HDAC9: variants seen among roughly 807,000 people sequenced by gnomAD.
HDAC9 encodes MEF-2 interacting transcription repressor (MITR) protein.
HDAC9 carries 41 observed loss-of-function variants against 139.4 expected under a neutral mutation model. The ratio of observed to expected loss-of-function variants is 0.29; its 90% CI spans 0.23 to 0.38. The LOEUF is 0.38. Ranked by LOEUF, HDAC9 falls within the 10% of genes least tolerant of loss-of-function variation. The probability of loss-of-function intolerance (pLI) is 1.00; values close to 1 mark genes in which losing one functional copy is unlikely to be tolerated. For missense variants in HDAC9, 1,147 were observed against 1,297.0 expected (o/e 0.88, Z 1.78); for synonymous variants, 517 against 476.2 (o/e 1.09, Z -1.12).
At chr7:18,222,908 A>C (rs1447904468) in intron 2 of HDAC9, among the ~76,000 whole-genome samples, 1 of 152,174 alleles carries the variant, frequency 6.6e-6, no homozygotes, top group East Asian at 1.9e-4. Flanking sequence ...GTTAAGGGAA[A>C]GGTAATGCAT....
chr7:18,937,254 G>T lies in HDAC9; in HGVS notation c.2937+1312G>T, dbSNP rs190973496. On this transcript the variant is annotated intron_variant, in intron 23 of 25. Coordinates refer to ENST00000686413, the MANE Select transcript of HDAC9 (RefSeq NM_178425.4). Reference sequence around the variant, plus strand: ...GGGGTTTCACCATGTTGGCTAGGCTGGTCTCGAACTCCTGACCTCGTGATC... The same window carrying T: ...GGGGTTTCACCATGTTGGCTAGGCTTGTCTCGAACTCCTGACCTCGTGATC... 5.9e-5 allele frequency among the ~76,000 whole-genome samples: 9 copies of T among 152,022 alleles called. 1 individual carries two copies. Among genetic ancestry groups the T allele is most frequent in the African/African-American group, 2.2e-4 (9 of 41,458 alleles).
intron 12 of HDAC9, among the ~76,000 whole-genome samples, chr7:18,722,911 T>C (rs563953643): frequency 3.9e-5 from 6 of 152,236 alleles, no homozygotes; most frequent in Non-Finnish European, 8.8e-5. Context: ...AAGATTTAAC[T>C]GTTTAGTTTA....
At chr7:18,699,958 G>C (rs1300593584) in intron 12 of HDAC9, among the ~76,000 whole-genome samples, 1 of 151,044 alleles carries the variant, frequency 6.6e-6, no homozygotes, top group African/African-American at 2.4e-5. Context: ...TTTTTCTATT[G>C]ACATGTTAAC....
intron 2 of HDAC9, among the ~76,000 whole-genome samples, chr7:18,249,694 T>C (rs900104896): frequency 2.6e-5 from 4 of 152,046 alleles, no homozygotes; most frequent in African/African-American, 7.2e-5. Flanking sequence ...GAAAGGTATT[T>C]CCATTTTTTT....
chr7:18,456,629 A>G (rs891190275), intron 1 of HDAC9, among the ~76,000 whole-genome samples: 10 of 152,166 alleles, frequency 6.6e-5, no homozygotes, highest in African/African-American at 2.4e-4. Context: ...AGAAAATAAG[A>G]TTATGTATAA....
intron 2 of HDAC9, among the ~76,000 whole-genome samples, chr7:18,183,234 C>T (rs563686697): frequency 3.5e-4 from 53 of 152,242 alleles, no homozygotes; most frequent in African/African-American, 1.1e-3. Context: ...TGGTCTTGAT[C>T]TTCTGACCTC....
intron 17 of HDAC9, among the ~76,000 whole-genome samples, chr7:18,793,875 G>C (rs1228432179): frequency 6.6e-6 from 1 of 152,190 alleles, no homozygotes; most frequent in Admixed American, 6.5e-5. Flanking sequence ...GTAAATACCA[G>C]ACGGGAAGGA....
At chr7:18,314,516 A>T (rs1414143613) in intron 1 of HDAC9, among the ~76,000 whole-genome samples, 1 of 152,194 alleles carries the variant, frequency 6.6e-6, no homozygotes, top group Non-Finnish European at 1.5e-5. Flanking sequence ...TCAGGTAATA[A>T]CTTTCCTTTT....
intron 2 of HDAC9, among the ~76,000 whole-genome samples, chr7:18,239,086 T>G (rs909294762): frequency 2.0e-5 from 3 of 152,230 alleles, no homozygotes; most frequent in African/African-American, 4.8e-5. Context: ...ATTGTCTAGT[T>G]TGTCACTATA....
intron 23 of HDAC9, among the ~76,000 whole-genome samples, chr7:18,944,213 A>T (rs1208785286): frequency 6.6e-6 from 1 of 152,134 alleles, no homozygotes; most frequent in Non-Finnish European, 1.5e-5. Flanking sequence ...TCAGGTCTTC[A>T]TTACAATCTG....
rs116831221 is a variant in HDAC9, at chr7:18,234,774, G to T, written c.25+72425G>T. ...ATAGTGGAACAAAATCCCTCCATTT[G>T]AGAAACCACAGAAGTAAGTTTGAAG... On this transcript the variant is annotated intron_variant, in intron 2 of 12. Transcript: ENST00000417496. Among the ~76,000 whole-genome samples the T allele has an allele frequency of 2.6e-3, 394 of 152,318 alleles. 2 individuals carry two copies. Among genetic ancestry groups the T allele is most frequent in the African/African-American group, 9.2e-3 (383 of 41,564 alleles).
intron 25 of HDAC9, among the ~76,000 whole-genome samples, chr7:18,985,422 G>A (rs1177016614): frequency 2.6e-5 from 4 of 152,180 alleles, no homozygotes; most frequent in Non-Finnish European, 5.9e-5. Flanking sequence ...TGGCTGCATG[G>A]TATTCCATGG....
At chr7:18,747,514 G>C (rs571893879) in intron 13 of HDAC9, among the ~76,000 whole-genome samples, 2 of 152,264 alleles carry the variant, frequency 1.3e-5, no homozygotes, top group African/African-American at 4.8e-5. Context: ...TTGTAAACAT[G>C]GGTAATATCG....
intron 1 of HDAC9, among the ~76,000 whole-genome samples, chr7:18,130,713 A>G (rs970217304): frequency 3.9e-5 from 6 of 151,956 alleles, no homozygotes; most frequent in African/African-American, 1.4e-4. Flanking sequence ...CCATTTATCT[A>G]TTTTGGATAT....
chr7:18,816,701 A>G (rs1489886636), intron 17 of HDAC9, among the ~76,000 whole-genome samples: 1 of 151,998 alleles, frequency 6.6e-6, no homozygotes, highest in African/African-American at 2.4e-5. Context: ...AGAGCAGGGG[A>G]AGGCAGTATT....
chr7:18,415,813 T>A (rs1238378549), intron 1 of HDAC9, among the ~76,000 whole-genome samples: 1 of 152,184 alleles, frequency 6.6e-6, no homozygotes, highest in Non-Finnish European at 1.5e-5. Flanking sequence ...TTTTGCAGAT[T>A]TCAAGTATGG....
chr7:18,292,342 C>G (rs1363091988), intron 1 of HDAC9, among the ~76,000 whole-genome samples: 1 of 152,096 alleles, frequency 6.6e-6, no homozygotes, highest in Admixed American at 6.6e-5. Context: ...GAGCGTTTGT[C>G]CACAAGAAAT....
At chr7:18,528,266 T>C (rs745935982) in intron 2 of HDAC9, among the ~76,000 whole-genome samples, 1 of 149,614 alleles carries the variant, frequency 6.7e-6, no homozygotes, top group Non-Finnish European at 1.5e-5. Flanking sequence ...TTTTTTTTTT[T>C]AAATTAGGTC....
At chr7:18,714,868 A>G (rs1371915842) in intron 12 of HDAC9, among the ~76,000 whole-genome samples, 1 of 152,192 alleles carries the variant, frequency 6.6e-6, no homozygotes, top group Non-Finnish European at 1.5e-5. Flanking sequence ...AATTTCTACT[A>G]TGATTCCTAA....
Sources: allele counts gnomAD v4.1 joint callset (sites outside exome capture counted in the v4.1 genomes callset), GRCh38; gene constraint gnomAD v4.1.1; transcripts MANE v1.5; gene names NCBI Gene and HGNC (gene_info 2026-07-23, HGNC 2026-07-21).